Variants in CNGB3 observed in about 807,000 individuals in gnomAD.
CNGB3 encodes cyclic nucleotide-gated channel beta-3.
Under a neutral mutation model 92.8 loss-of-function variants are expected in CNGB3, and 86 were observed. That is an observed-to-expected ratio of 0.93 (90% confidence interval 0.78 to 1.11). The LOEUF is 1.11. Among genes scored for constraint, CNGB3 ranks in the 50% least tolerant of loss-of-function variants. The pLI, the probability that CNGB3 is intolerant of heterozygous loss-of-function variation, is 0.00. For missense variants in CNGB3, 1,026 were observed against 956.8 expected (o/e 1.07, Z -0.95); for synonymous variants, 333 against 332.7 (o/e 1.00, Z -0.01).
At chr8:86,656,817 G>GGT (rs1823516886) in intron 6 of CNGB3, among the ~76,000 whole-genome samples, 1 of 151,970 alleles carries the variant, frequency 6.6e-6, no homozygotes, top group Non-Finnish European at 1.5e-5. Flanking sequence ...CCCCATCCTT[G>GGT]CCTCCTTTCT....
intron 2 of CNGB3, among the ~76,000 whole-genome samples, chr8:86,727,238 A>C (rs1400134285): frequency 6.6e-6 from 1 of 152,212 alleles, no homozygotes; most frequent in Non-Finnish European, 1.5e-5. Context: ...AAAAGTTCAT[A>C]AGATATATTT....
Position 86,673,061 on chromosome 8 carries a change from T to G in CNGB3, c.339-1963A>C, listed in dbSNP as rs535180232. Among the ~76,000 whole-genome samples the G allele has an allele frequency of 2.6e-5, 4 of 152,340 alleles. No homozygotes were observed. The East Asian group carries it at 7.7e-4, about 29-fold the overall frequency. On this transcript the variant is annotated intron_variant, in intron 3 of 17. Transcript: ENST00000320005. ...CCTTCTTAAAGGTGTGCTTAGAAGT[T>G]TATTCATCCATCAAGCAGTTATTGA...
At chr8:86,715,803 C>T (rs1376518588) in intron 3 of CNGB3, among the ~76,000 whole-genome samples, 1 of 125,004 alleles carries the variant, frequency 8.0e-6, no homozygotes, top group African/African-American at 3.1e-5. Flanking sequence ...GGAAGGGGAA[C>T]ATCACACACT....
chr8:86,603,866 G>A (rs1017466570), intron 15 of CNGB3, among the ~76,000 whole-genome samples: 5 of 152,140 alleles, frequency 3.3e-5, no homozygotes, highest in South Asian at 2.1e-4. Context: ...CCTGCTTTAC[G>A]CCAGGCACTG....
At chr8:86,685,505 A>G (rs1249704413) in intron 3 of CNGB3, among the ~76,000 whole-genome samples, 1 of 152,120 alleles carries the variant, frequency 6.6e-6, no homozygotes, top group East Asian at 1.9e-4. Flanking sequence ...TTCCTCCCCC[A>G]CAAAGCTTAA....
chr8:86,607,730 C>G (rs141736538), intron 14 of CNGB3, among the ~76,000 whole-genome samples: 285 of 152,308 alleles, frequency 1.9e-3, no homozygotes, highest in African/African-American at 6.4e-3. Flanking sequence ...ACTCTTTCAA[C>G]CAGCCCAAGC....
chr8:86,648,698 T>C (rs1317868677), intron 7 of CNGB3, among the ~76,000 whole-genome samples: 2 of 151,160 alleles, frequency 1.3e-5, no homozygotes. Context: ...ATGGTCTTAA[T>C]AGGGTATATG....
chr8:86,708,661 G>A lies in CNGB3; in HGVS notation c.338+17870C>T, dbSNP rs1336816259. ...CGGCTCACTGTAGCCTCGACTTCCTGGGCTCAAGTGATCCTCTCGCCTCAG... is the reference window on the plus strand; with the variant it reads ...CGGCTCACTGTAGCCTCGACTTCCTAGGCTCAAGTGATCCTCTCGCCTCAG... On this transcript the variant is annotated intron_variant, in intron 3 of 17. Transcript: ENST00000320005. Among the ~76,000 whole-genome samples the A allele has an allele frequency of 2.7e-5, 4 of 148,270 alleles. No individual in the cohort carries two copies. The Admixed American group carries it at 2.7e-4, about 10-fold the overall frequency.
Position 86,610,132 on chromosome 8 carries a change from T to G in CNGB3, c.1662+1456A>C, listed in dbSNP as rs528215280. On this transcript the variant is annotated intron_variant, in intron 14 of 17. Transcript: ENST00000320005. Reference sequence around the variant, plus strand: ...TTTTAAATAATACTGGTATATGGCCTCCATCTAGACCAAATCAGTCACTGA... The same window carrying G: ...TTTTAAATAATACTGGTATATGGCCGCCATCTAGACCAAATCAGTCACTGA... 3.3e-5 allele frequency among the ~76,000 whole-genome samples: 5 copies of G among 152,308 alleles called. No individual in the cohort carries two copies. The South Asian group carries it at 1.0e-3, about 32-fold the overall frequency.
chr8:86,677,201 C>T (rs76422870), intron 3 of CNGB3, among the ~76,000 whole-genome samples: 2,477 of 152,182 alleles, frequency 0.016, 32 homozygotes, highest in Non-Finnish European at 0.025. Flanking sequence ...TCCAGAACTG[C>T]GAGAAAATAA....
intron 2 of CNGB3, among the ~76,000 whole-genome samples, chr8:86,735,852 GCTTA>G (rs1825242591): frequency 6.6e-6 from 1 of 152,054 alleles, no homozygotes; most frequent in Non-Finnish European, 1.5e-5. Context: ...CCATTAATTG[GCTTA>G]CCACACCATA....
At chr8:86,685,341 C>A (rs997756955) in intron 3 of CNGB3, among the ~76,000 whole-genome samples, 1 of 152,070 alleles carries the variant, frequency 6.6e-6, no homozygotes, top group South Asian at 2.1e-4. Context: ...ATCCCCTGAG[C>A]ACTTGTCTGG....
chr8:86,618,807 T>A (rs1299789987), intron 13 of CNGB3, among the ~76,000 whole-genome samples: 3 of 152,224 alleles, frequency 2.0e-5, no homozygotes, highest in Non-Finnish European at 4.4e-5. Flanking sequence ...AGTAAATATG[T>A]GATGACATAT....
chr8:86,741,235 T>C (rs1825335368), intron 1 of CNGB3, among the ~76,000 whole-genome samples: 1 of 152,228 alleles, frequency 6.6e-6, no homozygotes. Context: ...TCGAATTCCG[T>C]GAAAGAAAAC....
intron 2 of CNGB3, among the ~76,000 whole-genome samples, chr8:86,732,597 A>C (rs544394097): frequency 6.6e-6 from 1 of 152,290 alleles, no homozygotes; most frequent in African/African-American, 2.4e-5. Context: ...GTTATCCATA[A>C]GTTTTCTTAC....
At chr8:86,637,511 A>G (rs1422191279) in intron 10 of CNGB3, among the ~76,000 whole-genome samples, 1 of 152,030 alleles carries the variant, frequency 6.6e-6, no homozygotes, top group Admixed American at 6.6e-5. Context: ...TGAGATTTTG[A>G]TAGGGATTGC....
intron 10 of CNGB3, among the ~76,000 whole-genome samples, chr8:86,641,705 A>AT (rs1243189905): frequency 6.6e-6 from 1 of 151,186 alleles, no homozygotes; most frequent in Non-Finnish European, 1.5e-5. Context: ...ACTCACACTC[A>AT]TTTTCTATTG....
chr8:86,680,052 A>G (rs992116756), intron 3 of CNGB3, among the ~76,000 whole-genome samples: 3 of 152,206 alleles, frequency 2.0e-5, no homozygotes, highest in Admixed American at 2.0e-4. Flanking sequence ...TAAGCCTGTG[A>G]TATTTCAGTC....
intron 8 of CNGB3, among the ~76,000 whole-genome samples, chr8:86,646,405 T>A (rs1823292951): frequency 6.6e-6 from 1 of 151,086 alleles, no homozygotes; most frequent in South Asian, 2.1e-4. Flanking sequence ...GTCAATCTGA[T>A]TATAATAAAG....
Sources: allele counts gnomAD v4.1 joint callset (sites outside exome capture counted in the v4.1 genomes callset), GRCh38; gene constraint gnomAD v4.1.1; transcripts MANE v1.5; gene names NCBI Gene and HGNC (gene_info 2026-07-23, HGNC 2026-07-21).